The following RGS12 variants were observed in gnomAD, a reference collection of about 807,000 sequenced individuals.
RGS12 encodes regulator of G protein signaling 12.
In RGS12, 66 loss-of-function variants were observed where a neutral mutation model predicts 120.1. That is an observed-to-expected ratio of 0.55 (90% CI 0.45 to 0.67). The LOEUF is 0.67. RGS12 is among the 30% of genes least tolerant of loss of function. The pLI is 0.00. For missense variants in RGS12, 1,859 were observed against 1,957.7 expected (o/e 0.95, Z 0.95); for synonymous variants, 827 against 804.7 (o/e 1.03, Z -0.47).
At chr4:3,379,681 T>C (rs1028562361) in intron 3 of RGS12, among the ~76,000 whole-genome samples, 12 of 152,018 alleles carry the variant, frequency 7.9e-5, no homozygotes, top group Admixed American at 5.2e-4. Context: ...CATATGGCAG[T>C]AGGAGAGAGA....
chr4:3,403,717 C>T (rs1339916992), intron 4 of RGS12, among the ~76,000 whole-genome samples: 2 of 152,232 alleles, frequency 1.3e-5, no homozygotes, highest in Non-Finnish European at 2.9e-5. Context: ...GGGCCTGAGC[C>T]TACCCTACCT....
chr4:3,437,872 C>G (rs1449402003), intron 17 of RGS12, among the ~76,000 whole-genome samples: 4 of 152,196 alleles, frequency 2.6e-5, no homozygotes, highest in South Asian at 2.1e-4. Context: ...GGAGTCACAC[C>G]TTCCGCCCGC....
At chr4:3,288,475 T>G (rs115415814), upstream of RGS12, among the ~76,000 whole-genome samples, 1,612 of 152,234 alleles carry the variant, frequency 0.011, 25 homozygotes, top group African/African-American at 0.031. The surrounding 1 kb of genome is among the most constrained non-coding windows in gnomAD (Gnocchi z 5.2). Flanking sequence ...AAATACTCAC[T>G]GGGGACATGC....
At chr4:3,299,306 C>T (rs1031237462) in intron 1 of RGS12, among the ~76,000 whole-genome samples, 7 of 152,114 alleles carry the variant, frequency 4.6e-5, no homozygotes, top group Non-Finnish European at 7.4e-5. Flanking sequence ...ATATGCCCCT[C>T]ACTGTTCAGC....
intron 4 of RGS12, among the ~76,000 whole-genome samples, chr4:3,402,785 A>G (rs963063403): frequency 1.3e-5 from 2 of 152,246 alleles, no homozygotes; most frequent in Admixed American, 1.3e-4. Flanking sequence ...TTATTCATCA[A>G]AATGAAGTAA....
chr4:3,352,264 TG>T (rs1656567121), intron 3 of RGS12, among the ~76,000 whole-genome samples: 1 of 152,042 alleles, frequency 6.6e-6, no homozygotes, highest in African/African-American at 2.4e-5. Context: ...AGATCCCAAA[TG>T]AAGTAAAAAA....
At position 3,307,480 on chromosome 4, in the gene RGS12, C is replaced by G. The variant is rs201356761; in HGVS notation, c.-101-8590C>G. Among the ~76,000 whole-genome samples, 11 of 152,372 alleles carry G rather than the reference C, an allele frequency of 7.2e-5. No homozygotes were observed. The East Asian group carries it at 2.1e-3, about 29-fold the overall frequency. ...ATGTAAAACTTCATCAACCCTCTTACTTTTACTTTTTTAGTACAAAAAAGT... is the reference window on the plus strand; with the variant it reads ...ATGTAAAACTTCATCAACCCTCTTAGTTTTACTTTTTTAGTACAAAAAAGT... On this transcript the variant is annotated intron_variant, in intron 1 of 17. Transcript: ENST00000336727.
intron 4 of RGS12, among the ~76,000 whole-genome samples, chr4:3,409,222 T>C (rs1260052493): frequency 6.6e-6 from 1 of 152,156 alleles, no homozygotes; most frequent in Non-Finnish European, 1.5e-5. Flanking sequence ...CATCTGCCTC[T>C]GCAGGACCCC....
intron 7 of RGS12, 52 bp from the exon 8 acceptor site, chr4:3,416,860 GC>G: frequency 2.0e-6 from 3 of 1,523,272 alleles, no homozygotes; most frequent in Non-Finnish European, 2.7e-6. Flanking sequence ...CGCGCCTGAG[GC>G]TGCATGTCTG....
intron 15 of RGS12, 51 bp from the exon 16 acceptor site, chr4:3,428,507 A>G: frequency 1.4e-6 from 2 of 1,447,634 alleles, no homozygotes; most frequent in South Asian, 1.3e-5. Context: ...TGAATGATGT[A>G]TTGTCGTGTA....
At chr4:3,427,067 T>A (rs1244758418) in intron 14 of RGS12, among the ~76,000 whole-genome samples, 1 of 152,152 alleles carries the variant, frequency 6.6e-6, no homozygotes, top group Non-Finnish European at 1.5e-5. Context: ...GAGCTCCAAC[T>A]CTTGCTCCCC....
chr4:3,351,826 C>T (rs1171840038), intron 3 of RGS12, among the ~76,000 whole-genome samples: 2 of 152,146 alleles, frequency 1.3e-5, no homozygotes, highest in Non-Finnish European at 2.9e-5. Context: ...AATCCCATTT[C>T]ATTTCTTATT....
At chr4:3,422,676 A>G (rs1723150665) in intron 11 of RGS12, 106 bp downstream of exon 11, 1 of 1,284,742 alleles carries the variant, frequency 7.8e-7, no homozygotes, top group Non-Finnish European at 1.1e-6. Context: ...TGCGCTCCTC[A>G]TTTCAACAGC....
rs1030276118 is a variant in RGS12, at chr4:3,363,299, C to T, written c.1998+20246C>T. On this transcript the variant is annotated intron_variant, in intron 3 of 17. Transcript: ENST00000336727. ...ATTATGTTAAAATGGAAAAAGTGATCGGCGATTATAATTTTCTATTGTTTC... is the reference window on the plus strand; with the variant it reads ...ATTATGTTAAAATGGAAAAAGTGATTGGCGATTATAATTTTCTATTGTTTC... Among the ~76,000 whole-genome samples the T allele has an allele frequency of 2.0e-5, 3 of 152,066 alleles. No individual in the cohort carries two copies. In the East Asian group the frequency reaches 5.8e-4, roughly 29 times the overall value.
chr4:3,428,569 A>C lies in RGS12; in HGVS notation c.3423A>C (p.Arg1141Ser). 1 of 1,586,000 alleles carries C rather than the reference A, an allele frequency of 6.3e-7. No individual in the cohort carries two copies. The highest frequency in any genetic ancestry group is 8.5e-7 in the Non-Finnish European group (1 of 1,171,760). The change falls in exon 16 of 18, where the codon AGA becomes AGC. Residue 1141 changes from arginine (R) to serine (S), a missense_variant. By Grantham distance (110) the Arg-to-Ser change is moderately radical (BLOSUM62 -1). Transcript: ENST00000336727. The stretch of plus-strand genomic sequence containing the variant: ...TCCTTCTAATGCAGGGAGAGGAAAG[A>C]ACACTAGGCAAGTCTAATTCTATTA... Reference protein sequence around the residue: ...SRNHSATGEERTLGKSNSIKI... With the variant: ...SRNHSATGEESTLGKSNSIKI...
intron 2 of RGS12, chr4:3,324,436 C>A: frequency 8.1e-6 from 2 of 246,924 alleles, no homozygotes; most frequent in South Asian, 4.5e-5. Flanking sequence ...GGCCAACAGT[C>A]TCTGCTTCTT....
chr4:3,428,522 A>G (rs1256983403), intron 15 of RGS12, 36 bp from the exon 16 acceptor site: 2 of 1,538,520 alleles, frequency 1.3e-6, no homozygotes, highest in Non-Finnish European at 1.8e-6. Flanking sequence ...CGTGTATTGA[A>G]ATGAAAGTAG....
intron 1 of RGS12, among the ~76,000 whole-genome samples, chr4:3,301,811 A>G (rs1253642924): frequency 6.6e-6 from 1 of 151,414 alleles, no homozygotes; most frequent in East Asian, 2.0e-4. Flanking sequence ...GTGATGGGGG[A>G]CCTCCGAGGT....
At chr4:3,305,561 C>G (rs551178045) in intron 1 of RGS12, among the ~76,000 whole-genome samples, 8 of 152,358 alleles carry the variant, frequency 5.3e-5, no homozygotes, top group African/African-American at 1.9e-4. Context: ...CATCCAACCA[C>G]AGCCACGGTG....
Sources: allele counts gnomAD v4.1 joint callset (sites outside exome capture counted in the v4.1 genomes callset), GRCh38; gene constraint gnomAD v4.1.1; non-coding constraint Gnocchi (gnomAD v3.1); transcripts MANE v1.5; gene names NCBI Gene and HGNC (gene_info 2026-07-23, HGNC 2026-07-21).